RASAL2: variants seen among roughly 807,000 people sequenced by gnomAD.
RASAL2 encodes ras GTPase-activating protein nGAP.
RASAL2 carries 58 observed loss-of-function variants against 128.9 expected under a neutral mutation model. That is an observed-to-expected ratio of 0.45 (90% confidence interval 0.36 to 0.56). The LOEUF (loss-of-function observed/expected upper bound fraction) is 0.56, where lower values mean the gene tolerates loss of function less well. Among genes scored for constraint, RASAL2 ranks in the 20% least tolerant of loss-of-function variants. The probability of loss-of-function intolerance (pLI) is 0.00; values close to 1 mark genes in which losing one functional copy is unlikely to be tolerated. For missense variants in RASAL2, 1,360 were observed against 1,601.6 expected (o/e 0.85, Z 2.57); for synonymous variants, 561 against 580.8 (o/e 0.97, Z 0.49).
chr1:178,254,172 A>G (rs1665200788), intron 1 of RASAL2, among the ~76,000 whole-genome samples: 1 of 152,088 alleles, frequency 6.6e-6, no homozygotes, highest in South Asian at 2.1e-4. Flanking sequence ...TCTCTGTGTG[A>G]GATCTTTTGC....
intron 1 of RASAL2, among the ~76,000 whole-genome samples, chr1:178,165,556 C>G (rs1312936038): frequency 6.6e-6 from 1 of 152,096 alleles, no homozygotes; most frequent in African/African-American, 2.4e-5. Flanking sequence ...AACTAATCCC[C>G]TAAGGATGCT....
chr1:178,423,840 T>A (rs941214539), intron 5 of RASAL2, among the ~76,000 whole-genome samples: 2 of 152,186 alleles, frequency 1.3e-5, no homozygotes, highest in African/African-American at 4.8e-5. Flanking sequence ...GAGTTGTTTG[T>A]CCTATTTCTT....
At chr1:178,202,207 A>G (rs1188270408) in intron 1 of RASAL2, among the ~76,000 whole-genome samples, 1 of 152,164 alleles carries the variant, frequency 6.6e-6, no homozygotes, top group Non-Finnish European at 1.5e-5. Flanking sequence ...GTCAAATGGA[A>G]GTGGTATATA....
chr1:178,109,412 T>C (rs952510648), intron 1 of RASAL2, among the ~76,000 whole-genome samples: 1 of 152,180 alleles, frequency 6.6e-6, no homozygotes, highest in Admixed American at 6.5e-5. Flanking sequence ...TCACATGTTC[T>C]TTTCTAAAAG....
chr1:178,477,292 T>C lies in RASAL2; in HGVS notation c.*4053T>C, dbSNP rs1648741226. Reference sequence around the variant, plus strand: ...CGATAATTTGAGATACTTTGTTTTTTCAATGCGTCAGTTGAAGGATTTAGT... The same window carrying C: ...CGATAATTTGAGATACTTTGTTTTTCCAATGCGTCAGTTGAAGGATTTAGT... On this transcript the variant is annotated 3_prime_UTR_variant, in exon 18 of 18. Transcript: ENST00000367649. 1 of 152,214 alleles carries C rather than the reference T, an allele frequency of 6.6e-6. No individual in the cohort carries two copies. The highest frequency in any genetic ancestry group is 1.5e-5 in the Non-Finnish European group (1 of 68,038). 9.4% of individuals were successfully genotyped at this position (152,214 alleles called of 1,614,324 possible).
At chr1:178,194,581 T>TCTTTTTG (rs1418934952) in intron 1 of RASAL2, 4 of 154,082 alleles carry the variant, frequency 2.6e-5, no homozygotes, top group Non-Finnish European at 4.4e-5. Flanking sequence ...TTTCTTTTTG[T>TCTTTTTG]TTTTTTGTTT....
chr1:178,181,439 G>A (rs1217234564), intron 1 of RASAL2, among the ~76,000 whole-genome samples: 1 of 151,684 alleles, frequency 6.6e-6, no homozygotes, highest in Admixed American at 6.6e-5. Context: ...CTCACTGCAA[G>A]CTCTGCCTCC....
chr1:178,143,240 TTATC>T (rs1164766089), intron 1 of RASAL2, among the ~76,000 whole-genome samples: 1 of 151,832 alleles, frequency 6.6e-6, no homozygotes, highest in African/African-American at 2.4e-5. Flanking sequence ...TAATATATAT[TTATC>T]TATAATATCA....
At position 178,452,610 on chromosome 1, in the gene RASAL2, C is replaced by A. The variant is rs1558001620; in HGVS notation, c.1967C>A (p.Thr656Asn). ...YPDDRTSRTL[T>N]LIAKVIQNLA... The stretch of plus-strand genomic sequence containing the variant: ...GATGACCGCACATCTCGGACTCTAA[C>A]TCTTATTGCCAAGGTCATTCAGAAC... Residue 656 changes from threonine to asparagine, a missense_variant, in exon 11 of 18, where the codon ACT becomes AAT. Transcript: ENST00000367649. 6.2e-7 allele frequency: 1 copy of A among 1,614,004 alleles called. No homozygotes were observed. Among genetic ancestry groups the A allele is most frequent in the Admixed American group, 1.7e-5 (1 of 60,004 alleles).
At chr1:178,347,774 T>A (rs1045293602) in intron 3 of RASAL2, among the ~76,000 whole-genome samples, 1 of 152,196 alleles carries the variant, frequency 6.6e-6, no homozygotes, top group African/African-American at 2.4e-5. Flanking sequence ...TGAACAATGC[T>A]CAGTGACCCA....
intron 1 of RASAL2, among the ~76,000 whole-genome samples, chr1:178,247,863 A>G (rs923351195): frequency 2.6e-5 from 4 of 152,132 alleles, no homozygotes; most frequent in African/African-American, 9.7e-5. Flanking sequence ...TTCAGTTTCC[A>G]TGTAGTTGTG....
chr1:178,133,929 C>A (rs1267012161), intron 1 of RASAL2, among the ~76,000 whole-genome samples: 1 of 152,132 alleles, frequency 6.6e-6, no homozygotes, highest in East Asian at 1.9e-4. Flanking sequence ...CCTTGCTCCT[C>A]AAGATTCTGA....
intron 1 of RASAL2, among the ~76,000 whole-genome samples, chr1:178,242,087 G>A (rs1221939704): frequency 1.3e-5 from 2 of 152,000 alleles, no homozygotes; most frequent in Non-Finnish European, 2.9e-5. Context: ...GTTGCTATAG[G>A]TATTACAGTA....
At chr1:178,382,384 G>A (rs1384507690) in intron 3 of RASAL2, among the ~76,000 whole-genome samples, 2 of 152,122 alleles carry the variant, frequency 1.3e-5, no homozygotes, top group African/African-American at 4.8e-5. Flanking sequence ...CAGGTTTTGT[G>A]TGCAGAAAAC....
chr1:178,283,429 A>G (rs1666876237), intron 1 of RASAL2, 135 bp from the exon 2 acceptor site: 3 of 1,104,480 alleles, frequency 2.7e-6, no homozygotes, highest in Admixed American at 2.7e-5. Flanking sequence ...CTTAAGAGGA[A>G]GCTTTAAATT....
intron 1 of RASAL2, among the ~76,000 whole-genome samples, chr1:178,121,406 G>A (rs186321978): frequency 6.6e-6 from 1 of 152,074 alleles, no homozygotes; most frequent in Non-Finnish European, 1.5e-5. Context: ...GATTTGCTCA[G>A]TTAGAGACTA....
intron 1 of RASAL2, among the ~76,000 whole-genome samples, chr1:178,140,964 G>A (rs953775901): frequency 3.9e-5 from 6 of 152,144 alleles, no homozygotes; most frequent in African/African-American, 1.2e-4. Flanking sequence ...CTCAGGAAGC[G>A]GAAGGCAGAA....
At chr1:178,148,964 T>C (rs1390645256) in intron 1 of RASAL2, among the ~76,000 whole-genome samples, 1 of 152,212 alleles carries the variant, frequency 6.6e-6, no homozygotes, top group Admixed American at 6.5e-5. Context: ...CTATGACAGC[T>C]GGATTCCTAT....
intron 5 of RASAL2, among the ~76,000 whole-genome samples, chr1:178,432,594 T>C (rs894091450): frequency 6.6e-6 from 1 of 152,030 alleles, no homozygotes; most frequent in Non-Finnish European, 1.5e-5. Flanking sequence ...TTGATTTTAT[T>C]TGTACTCTCA....
Sources: allele counts gnomAD v4.1 joint callset (sites outside exome capture counted in the v4.1 genomes callset), GRCh38; gene constraint gnomAD v4.1.1; transcripts MANE v1.5; gene names NCBI Gene and HGNC (gene_info 2026-07-23, HGNC 2026-07-21).